SCAPER: variants seen among roughly 807,000 people sequenced by gnomAD.
SCAPER encodes S-phase cyclin A associated protein in the ER, also known as S phase cyclin A-associated protein in the endoplasmic reticulum.
A neutral mutation model predicts 182.2 loss-of-function variants in SCAPER; 98 were observed. The observed-to-expected ratio is 0.54, with a 90% CI of 0.46 to 0.64. The LOEUF is 0.64. Among genes scored for constraint, SCAPER ranks in the 30% least tolerant of loss-of-function variants. SCAPER has a pLI of 0.00. For missense variants in SCAPER, 1,432 were observed against 1,690.0 expected, an observed-to-expected ratio of 0.85 and a Z score of 2.68; for synonymous variants, 605 against 564.6, an observed-to-expected ratio of 1.07 and a Z score of -1.01.
intron 21 of SCAPER, among the ~76,000 whole-genome samples, chr15:76,637,738 ATATATGTGTG>A (rs1435010792): frequency 5.9e-4 from 17 of 28,734 alleles, no homozygotes; most frequent in South Asian, 1.4e-3. Flanking sequence ...ATATATATAT[ATATATGTGTG>A]TGTGTGTGTG....
At chr15:76,579,265 CAAA>C (rs71143342) in intron 22 of SCAPER, among the ~76,000 whole-genome samples, 3 of 49,496 alleles carry the variant, frequency 6.1e-5, no homozygotes, top group East Asian at 7.1e-4. Context: ...GACTCTGTCT[CAAA>C]AAAAAAAAAA....
chr15:76,756,289 A>G (rs1034308194), intron 14 of SCAPER, among the ~76,000 whole-genome samples: 5 of 151,594 alleles, frequency 3.3e-5, no homozygotes, highest in African/African-American at 1.2e-4. Context: ...CCAGGGCAAG[A>G]ATGATGGCCA....
chr15:76,801,030 C>T (rs2065750295), intron 6 of SCAPER, among the ~76,000 whole-genome samples: 1 of 152,182 alleles, frequency 6.6e-6, no homozygotes, highest in South Asian at 2.1e-4. Context: ...TTCAATCTTG[C>T]CAACTGTTGA....
chr15:76,830,880 G>A (rs2068410351), intron 5 of SCAPER, among the ~76,000 whole-genome samples: 2 of 151,874 alleles, frequency 1.3e-5, no homozygotes, highest in South Asian at 2.1e-4. Context: ...ACAGATCCTG[G>A]GGCTGAAGGG....
rs73443752 is a variant in SCAPER at position 76,761,149 on chromosome 15, T to C, written c.1725+3812A>G. ...TATCCAATTTGGTGCCATAGAATTATTGATAATAGTTCTTTATGATCCTTT... is the reference window on the plus strand; with the variant it reads ...TATCCAATTTGGTGCCATAGAATTACTGATAATAGTTCTTTATGATCCTTT... On this transcript the variant is annotated intron_variant, in intron 14 of 31. Transcript: ENST00000563290. Among the ~76,000 whole-genome samples the C allele has an allele frequency of 4.4e-3, 667 of 152,318 alleles. 7 individuals carry two copies. The highest frequency in any genetic ancestry group is 0.015 in the African/African-American group (635 of 41,584).
rs147602244 is a variant in SCAPER at position 76,535,391 on chromosome 15, G to A, written c.2839-30417C>T. ...ACAAAAATTAGCCAGGCGTGGTGGCGGGCACCTGTAGTCCCAGCTACTCAG... is the reference window on the plus strand; with the variant it reads ...ACAAAAATTAGCCAGGCGTGGTGGCAGGCACCTGTAGTCCCAGCTACTCAG... On this transcript the variant is annotated intron_variant, in intron 23 of 31. Coordinates refer to ENST00000563290, the MANE Select transcript of SCAPER (RefSeq NM_020843.4). Among the ~76,000 whole-genome samples, 396 of 151,598 alleles carry A rather than the reference G, an allele frequency of 2.6e-3. 17 individuals carry two copies. The East Asian group carries it at 0.066, about 25-fold the overall frequency.
intron 21 of SCAPER, among the ~76,000 whole-genome samples, chr15:76,634,722 T>C (rs1199785920): frequency 6.6e-6 from 1 of 152,208 alleles, no homozygotes; most frequent in East Asian, 1.9e-4. Flanking sequence ...ATGTAATTGC[T>C]TTCTTAATTT....
intron 23 of SCAPER, among the ~76,000 whole-genome samples, chr15:76,560,062 A>G (rs1054571805): frequency 6.9e-6 from 1 of 145,968 alleles, no homozygotes; most frequent in African/African-American, 2.5e-5. Flanking sequence ...ACTGAGTTTT[A>G]TTTTTTTTTT....
intron 23 of SCAPER, among the ~76,000 whole-genome samples, chr15:76,523,873 T>C (rs2042997827): frequency 6.6e-6 from 1 of 151,422 alleles, no homozygotes; most frequent in East Asian, 1.9e-4. Context: ...TCCCAATTGT[T>C]GTGTGTAACT....
intron 22 of SCAPER, among the ~76,000 whole-genome samples, chr15:76,588,049 G>A (rs533869256): frequency 2.6e-4 from 40 of 151,984 alleles, no homozygotes; most frequent in Non-Finnish European, 4.7e-4. Flanking sequence ...AGCCTCCCGA[G>A]TAGCTGGGAC....
intron 16 of SCAPER, among the ~76,000 whole-genome samples, chr15:76,729,273 CACACACACATATAT>C (rs1399066808): frequency 7.4e-6 from 1 of 135,582 alleles, no homozygotes; most frequent in Non-Finnish European, 1.5e-5. Flanking sequence ...TATATATACA[CACACACACATATAT>C]ATACACATAC....
chr15:76,545,489 A>G (rs2045196132), intron 23 of SCAPER, among the ~76,000 whole-genome samples: 1 of 152,194 alleles, frequency 6.6e-6, no homozygotes, highest in African/African-American at 2.4e-5. Flanking sequence ...TAGACGAGAA[A>G]AATATATCAT....
Position 76,459,275 on chromosome 15 carries a change from C to T in SCAPER, c.3078+11937G>A, listed in dbSNP as rs535508508. On this transcript the variant is annotated intron_variant, in intron 25 of 31. Coordinates refer to ENST00000563290, the MANE Select transcript of SCAPER (RefSeq NM_020843.4). ...GCCTCGCTTATTTCACTTGACGTAA[C>T]GACTTCCAGTTCCATCTACGTTTTT... is the stretch of plus-strand genomic sequence containing the variant. Among the ~76,000 whole-genome samples the T allele has an allele frequency of 6.6e-5, 10 of 152,284 alleles. 1 individual carries two copies. The East Asian group carries it at 9.7e-4, about 15-fold the overall frequency.
chr15:76,719,897 T>C (rs1286156871), intron 17 of SCAPER, among the ~76,000 whole-genome samples: 1 of 152,112 alleles, frequency 6.6e-6, no homozygotes, highest in African/African-American at 2.4e-5. Context: ...TTTATTGTGG[T>C]TGCTGAAACA....
Position 76,775,122 on chromosome 15 carries a change from G to GC in SCAPER, c.773-6dup. 6.3e-7 allele frequency: 1 copy of GC among 1,576,468 alleles called. No homozygotes were observed. The highest frequency in any genetic ancestry group is 8.6e-7 in the Non-Finnish European group (1 of 1,162,994). ...ATCCTTCAGCATCTTTCCGTTCTATGCAATTAAAGTAAAAAACAAATCAAG... is the reference window on the plus strand; with the variant it reads ...ATCCTTCAGCATCTTTCCGTTCTATGCCAATTAAAGTAAAAAACAAATCAAG... On this transcript the variant is annotated splice_region_variant and splice_polypyrimidine_tract_variant and intron_variant, in intron 8 of 31. Coordinates refer to ENST00000563290, the MANE Select transcript of SCAPER (RefSeq NM_020843.4).
chr15:76,724,247 A>AT (rs1012253843), intron 17 of SCAPER, among the ~76,000 whole-genome samples: 5 of 151,828 alleles, frequency 3.3e-5, no homozygotes, highest in Non-Finnish European at 1.5e-5. Context: ...AATGTTGAAT[A>AT]TTGGCCCCCA....
At chr15:76,849,872 CG>C (rs1240010680) in intron 4 of SCAPER, among the ~76,000 whole-genome samples, 1 of 152,096 alleles carries the variant, frequency 6.6e-6, no homozygotes, top group Non-Finnish European at 1.5e-5. Flanking sequence ...ACAACCATGG[CG>C]GAAGGCAAAG....
At chr15:76,711,388 A>G (rs1238904851) in intron 17 of SCAPER, among the ~76,000 whole-genome samples, 1 of 152,226 alleles carries the variant, frequency 6.6e-6, no homozygotes, top group African/African-American at 2.4e-5. Context: ...TTCACCAGAG[A>G]AGACATATGA....
intron 21 of SCAPER, among the ~76,000 whole-genome samples, chr15:76,659,604 G>A (rs916708159): frequency 2.0e-5 from 3 of 152,090 alleles, no homozygotes; most frequent in African/African-American, 4.8e-5. Flanking sequence ...CAAACACATG[G>A]TCAACAAGCA....
Sources: gnomAD v4.1 joint callset for allele counts (sites outside exome capture counted in the v4.1 genomes callset) on GRCh38, gnomAD v4.1.1 for gene constraint, MANE v1.5 for transcripts, NCBI Gene and HGNC (gene_info 2026-07-23, HGNC 2026-07-21) for gene names.